NEB: variants seen among roughly 807,000 people sequenced by gnomAD.
NEB encodes the protein nebulin, also known as nemaline myopathy type 2.
A neutral mutation model predicts 952.2 loss-of-function variants in NEB; 512 were observed. The ratio of observed to expected loss-of-function variants is 0.54; its 90% CI spans 0.50 to 0.58. The LOEUF (loss-of-function observed/expected upper bound fraction) is 0.58. Among genes scored for constraint, NEB ranks in the 20% least tolerant of loss-of-function variants. The pLI is 0.00. For missense variants in NEB, 8,428 were observed against 9,231.1 expected (o/e 0.91, Z 3.56); for synonymous variants, 2,900 against 3,149.8 (o/e 0.92, Z 2.66).
In NEB at chr2:151,493,856, T is replaced by G; in HGVS notation, c.24591A>C (p.Lys8197Asn). The G allele has an allele frequency of 6.4e-7, 1 of 1,564,758 alleles. No homozygotes were observed. Among genetic ancestry groups the G allele is most frequent in the Non-Finnish European group, 8.7e-7 (1 of 1,153,170 alleles). ...TGGGGGTTGCTTTCCCCAGGTTCTC[T>G]TTGTATAACACCTGTGAGATACAAA... ...NQENISSVLY[K>N]ENLGKATPTP... Residue 8197 changes from lysine to asparagine, a missense_variant, in exon 175 of 182, where the codon AAA becomes AAC. This residue lies in a region of NEB where 3,374 missense variants were observed against 3,651.5 expected (regional missense o/e 0.92). Coordinates refer to ENST00000397345, the MANE Select transcript of NEB (RefSeq NM_001164508.2).
At chr2:151,491,903 T>G in intron 178 of NEB, 128 bp from the exon 179 acceptor site, 1 of 973,496 alleles carries the variant, frequency 1.0e-6, no homozygotes, top group Non-Finnish European at 1.5e-6. Flanking sequence ...TTCTGGGTCA[T>G]GTCTTTTCCT....
chr2:151,642,972 C>T (rs1055785464), intron 58 of NEB, 103 bp from the exon 59 acceptor site: 18 of 1,201,684 alleles, frequency 1.5e-5, no homozygotes, highest in African/African-American at 6.2e-5. Flanking sequence ...CTCAGTGAAT[C>T]GGTATTTGTG....
intron 125 of NEB, 45 bp from the exon 126 acceptor site, chr2:151,554,070 A>G: frequency 1.3e-6 from 2 of 1,585,756 alleles, no homozygotes; most frequent in Non-Finnish European, 1.7e-6. Context: ...AAATTGTGCC[A>G]AGGCATCATG....
At chr2:151,725,272 G>T (rs552515107) in intron 6 of NEB, among the ~76,000 whole-genome samples, 181 bp downstream of exon 6, 8 of 152,166 alleles carry the variant, frequency 5.3e-5, no homozygotes, top group African/African-American at 1.9e-4. Context: ...CAAGCTTTTA[G>T]AAGTTTCTTT....
intron 76 of NEB, 52 bp from the exon 77 acceptor site, chr2:151,614,639 G>C: frequency 6.6e-7 from 1 of 1,517,676 alleles, no homozygotes; most frequent in Non-Finnish European, 9.0e-7. Flanking sequence ...ATATAATCAT[G>C]TTTCATAGGT....
intron 52 of NEB, among the ~76,000 whole-genome samples, chr2:151,652,556 G>C (rs2099042741): frequency 6.6e-6 from 1 of 152,152 alleles, no homozygotes; most frequent in Non-Finnish European, 1.5e-5. Context: ...AGTATCTACA[G>C]AATTTTGGAG....
At chr2:151,666,532 T>C in intron 40 of NEB, 131 bp from the exon 41 acceptor site, 1 of 843,990 alleles carries the variant, frequency 1.2e-6, no homozygotes, top group Non-Finnish European at 1.8e-6. Context: ...TTTTTTGTAT[T>C]TTAAAATAAA....
In NEB at chr2:151,656,475, A is replaced by C; in HGVS notation, c.6184-11T>G. On this transcript the variant is annotated splice_polypyrimidine_tract_variant and intron_variant, in intron 48 of 181. Coordinates refer to ENST00000397345, the MANE Select transcript of NEB (RefSeq NM_001164508.2). ...GTACTTGTATTTATACTGTGAAGAA[A>C]ATATGAGTTTTTACACAGAGCAATT... 6 of 1,575,816 alleles carry C rather than the reference A, an allele frequency of 3.8e-6. No homozygotes were observed. Among genetic ancestry groups the C allele is most frequent in the Non-Finnish European group, 5.2e-6 (6 of 1,154,782 alleles).
chr2:151,512,009 C>A (rs2074776650), intron 161 of NEB, among the ~76,000 whole-genome samples: 1 of 146,504 alleles, frequency 6.8e-6, no homozygotes, highest in African/African-American at 2.5e-5. Context: ...TCATAGGTTA[C>A]CCTCTCACTC....
chr2:151,564,529 G>A (rs1039578022), intron 117 of NEB, among the ~76,000 whole-genome samples: 1 of 152,194 alleles, frequency 6.6e-6, no homozygotes, highest in South Asian at 2.1e-4. Context: ...CACAGGGAGA[G>A]AACTGGCAAA....
chr2:151,513,606 T>C lies in NEB; in HGVS notation c.23215A>G (p.Arg7739Gly), dbSNP rs571808208. ...TGACTGGCAATATCAGTAGCATTCC[T>C]GGCCCTCATAAAATCCGGAGTTTCA... ...ANETPDFMRA[R>G]NATDIASQIK... Residue 7739 changes from arginine to glycine, a missense_variant, in exon 160 of 182, where the codon AGG becomes GGG. By Grantham distance (125) the Arg-to-Gly change is moderately radical (BLOSUM62 -2). Coordinates refer to ENST00000397345, the MANE Select transcript of NEB (RefSeq NM_001164508.2). The C allele has an allele frequency of 1.2e-6, 2 of 1,609,342 alleles. No individual in the cohort carries two copies. The highest frequency in any genetic ancestry group is 2.7e-5 in the African/African-American group (2 of 75,034).
intron 161 of NEB, among the ~76,000 whole-genome samples, chr2:151,509,121 C>G (rs1459487156): frequency 1.3e-5 from 2 of 152,130 alleles, no homozygotes; most frequent in Non-Finnish European, 2.9e-5. Flanking sequence ...ATAGGAATTA[C>G]ATTTATAAGT....
chr2:151,515,684 G>A (rs960961131), intron 157 of NEB, among the ~76,000 whole-genome samples: 3 of 152,166 alleles, frequency 2.0e-5, no homozygotes, highest in Non-Finnish European at 2.9e-5. Flanking sequence ...TTGTAATTTT[G>A]TTATTTTAAT....
At chr2:151,545,828 A>G (rs2094599554) in intron 135 of NEB, 60 bp downstream of exon 135, 1 of 1,003,588 alleles carries the variant, frequency 1.0e-6, no homozygotes, top group Middle Eastern at 2.1e-4. Flanking sequence ...AGCCTTGTGG[A>G]GTAATTCAGT....
chr2:151,510,163 T>C (rs2072984099), intron 161 of NEB, among the ~76,000 whole-genome samples: 1 of 152,194 alleles, frequency 6.6e-6, no homozygotes, highest in Admixed American at 6.5e-5. Flanking sequence ...ATTACTCGTA[T>C]GTTGTCTCCT....
rs2093017225 is a variant in NEB, at chr2:151,535,621, A to T, written c.21312+70T>A. ...CTGTCATTCTGTGTATTGGGCTTTA[A>T]TTTAAAAAAACTCTGAGACTTCTTT... On this transcript the variant is annotated intron_variant, in intron 142 of 181. Transcript: ENST00000397345. 4 of 985,656 alleles carry T rather than the reference A, an allele frequency of 4.1e-6. No homozygotes were observed. The South Asian group carries it at 6.5e-5, about 16-fold the overall frequency. The allele number at this position is 985,656 out of a possible 1,614,324, so 61.1% of individuals were successfully genotyped here. A position where few individuals can be genotyped will look rare whatever the true frequency, so the allele number is the denominator to read the frequency against.
intron 84 of NEB, among the ~76,000 whole-genome samples, chr2:151,606,190 G>C (rs867684266): frequency 1.9e-3 from 138 of 70,918 alleles, no homozygotes; most frequent in African/African-American, 4.2e-3. Flanking sequence ...AGATTACTAA[G>C]AGTATTCTAC....
In NEB at chr2:151,614,591, A is replaced by C. The variant is rs2098128906; in HGVS notation, c.11290-4T>G. The C allele has an allele frequency of 1.2e-6, 2 of 1,610,132 alleles. No individual in the cohort carries two copies. Among genetic ancestry groups the C allele is most frequent in the Non-Finnish European group, 1.7e-6 (2 of 1,177,034 alleles). On this transcript the variant is annotated splice_polypyrimidine_tract_variant and splice_region_variant and intron_variant, in intron 76 of 181. Coordinates refer to ENST00000397345, the MANE Select transcript of NEB (RefSeq NM_001164508.2). ...GGTAGCCTTCCTTGTACTTGTACTA[A>C]AAAAATAGAGATATGAGTATAATGA...
intron 3 of NEB, among the ~76,000 whole-genome samples, chr2:151,731,671 A>G (rs1006704256): frequency 6.6e-6 from 1 of 152,182 alleles, no homozygotes; most frequent in African/African-American, 2.4e-5. Context: ...CTCCTTTTTT[A>G]TGACATCTAG....
Sources: gnomAD v4.1 joint callset for allele counts (sites outside exome capture counted in the v4.1 genomes callset) on GRCh38, gnomAD v4.1.1 for gene constraint, gnomAD v4.1.1 regional missense constraint, MANE v1.5 for transcripts, NCBI Gene and HGNC (gene_info 2026-07-23, HGNC 2026-07-21) for gene names.